The following LRRTM4 variants were observed in gnomAD, a reference collection of about 807,000 sequenced individuals.
LRRTM4 encodes leucine rich repeat transmembrane neuronal 4.
Under a neutral mutation model 47.6 loss-of-function variants are expected in LRRTM4, and 25 were observed. That is an observed-to-expected ratio of 0.53 (90% CI 0.38 to 0.73). The LOEUF (loss-of-function observed/expected upper bound fraction) is 0.73. Among genes scored for constraint, LRRTM4 ranks in the 30% least tolerant of loss-of-function variants. The pLI is 0.00. For synonymous variants in LRRTM4, 311 were observed against 269.5 expected, an observed-to-expected ratio of 1.15 and a Z score of -1.51; for missense variants, 638 against 713.4, an observed-to-expected ratio of 0.89 and a Z score of 1.20.
At chr2:76,884,123 A>T (rs1170673350) in intron 3 of LRRTM4, among the ~76,000 whole-genome samples, 1 of 152,094 alleles carries the variant, frequency 6.6e-6, no homozygotes, top group Admixed American at 6.6e-5. Context: ...GTGATTTTTA[A>T]AAGTGTCTTT....
chr2:76,788,197 T>C (rs1357391562), intron 3 of LRRTM4, among the ~76,000 whole-genome samples: 3 of 152,132 alleles, frequency 2.0e-5, no homozygotes, highest in African/African-American at 7.2e-5. Context: ...TGTTAACATA[T>C]GTAATTGAGG....
chr2:77,389,313 T>C (rs1673411051), intron 3 of LRRTM4, among the ~76,000 whole-genome samples: 1 of 152,094 alleles, frequency 6.6e-6, no homozygotes, highest in African/African-American at 2.4e-5. Flanking sequence ...TTGTAAAGTC[T>C]GAGGAACTTA....
chr2:77,245,241 A>C (rs1286452974), intron 3 of LRRTM4, among the ~76,000 whole-genome samples: 2 of 152,010 alleles, frequency 1.3e-5, no homozygotes. Context: ...TGTGTTCTTG[A>C]AGTTAGAAGT....
intron 3 of LRRTM4, among the ~76,000 whole-genome samples, chr2:77,485,891 C>T (rs1402546565): frequency 2.9e-5 from 4 of 140,064 alleles, no homozygotes; most frequent in African/African-American, 1.1e-4. Flanking sequence ...CCACCACAGT[C>T]GGCTAATTTT....
intron 3 of LRRTM4, among the ~76,000 whole-genome samples, chr2:77,073,159 A>T (rs1370738049): frequency 6.6e-6 from 1 of 151,360 alleles, no homozygotes; most frequent in East Asian, 1.9e-4. Context: ...ACTATTAAAT[A>T]TTTGCTGGTT....
chr2:77,425,870 C>G (rs1675084324), intron 3 of LRRTM4, among the ~76,000 whole-genome samples: 1 of 151,892 alleles, frequency 6.6e-6, no homozygotes, highest in Non-Finnish European at 1.5e-5. Flanking sequence ...AATCCTAGCA[C>G]TTTAGAGAGG....
chr2:77,278,039 G>A (rs6547142), intron 3 of LRRTM4, among the ~76,000 whole-genome samples: 25,793 of 151,764 alleles, frequency 0.17, 5,042 homozygotes, highest in African/African-American at 0.48. Context: ...CACACTGAAG[G>A]CTAATTACCA....
rs541755884 is a variant in LRRTM4 at position 77,331,837 on chromosome 2, C to T, written c.1551+186481G>A. Among the ~76,000 whole-genome samples, 14 of 152,152 alleles carry T rather than the reference C, an allele frequency of 9.2e-5. No individual in the cohort carries two copies. The South Asian group carries it at 2.5e-3, about 27-fold the overall frequency. ...AGTGTTATATGACAATCCAATCCTTCGTGTTAAGCCCTGCCAGAAACATGT... is the reference window on the plus strand; with the variant it reads ...AGTGTTATATGACAATCCAATCCTTTGTGTTAAGCCCTGCCAGAAACATGT... On this transcript the variant is annotated intron_variant, in intron 3 of 3. Coordinates refer to ENST00000409884, the MANE Select transcript of LRRTM4 (RefSeq NM_001134745.3).
At chr2:77,339,329 T>G (rs1252804350) in intron 3 of LRRTM4, among the ~76,000 whole-genome samples, 1 of 152,050 alleles carries the variant, frequency 6.6e-6, no homozygotes, top group Non-Finnish European at 1.5e-5. Context: ...TTCAAATGAC[T>G]TTCTAAAAAT....
chr2:76,867,748 A>G (rs953526418), intron 3 of LRRTM4, among the ~76,000 whole-genome samples: 6 of 152,136 alleles, frequency 3.9e-5, no homozygotes, highest in Non-Finnish European at 8.8e-5. Context: ...TTTATTGTTT[A>G]TTGATGGTGT....
intron 3 of LRRTM4, among the ~76,000 whole-genome samples, chr2:76,835,414 G>T (rs1671481511): frequency 6.6e-6 from 1 of 151,970 alleles, no homozygotes; most frequent in South Asian, 2.1e-4. Context: ...TAAAATCAAT[G>T]GTGAATAGTA....
At chr2:76,998,138 C>T (rs186244125) in intron 3 of LRRTM4, among the ~76,000 whole-genome samples, 1 of 152,164 alleles carries the variant, frequency 6.6e-6, no homozygotes, top group Non-Finnish European at 1.5e-5. Flanking sequence ...AAAACCATCC[C>T]ACCCTGCTCC....
chr2:77,433,775 A>G (rs1263849861), intron 3 of LRRTM4, among the ~76,000 whole-genome samples: 2 of 152,198 alleles, frequency 1.3e-5, no homozygotes, highest in Non-Finnish European at 2.9e-5. Flanking sequence ...AGGAAAATTC[A>G]CAAGCCACTG....
intron 3 of LRRTM4, among the ~76,000 whole-genome samples, chr2:77,060,188 C>A (rs900894052): frequency 2.0e-5 from 3 of 152,100 alleles, no homozygotes; most frequent in Non-Finnish European, 4.4e-5. Context: ...TTGTAATCTT[C>A]CTATGCCTTA....
At chr2:77,128,011 C>G (rs376502928) in intron 3 of LRRTM4, among the ~76,000 whole-genome samples, 4 of 151,948 alleles carry the variant, frequency 2.6e-5, no homozygotes, top group African/African-American at 9.7e-5. Context: ...GGCGTAGTGG[C>G]GCACGCCTGT....
Position 76,905,208 on chromosome 2 carries a change from G to A in LRRTM4, c.1552-156292C>T, listed in dbSNP as rs553056646. On this transcript the variant is annotated intron_variant, in intron 3 of 3. Transcript: ENST00000409884. ...GCAGTTCACGAAAAACCACTGTTCT[G>A]CAGACACCGCTGCTGATACCCAGGC... is the stretch of plus-strand genomic sequence containing the variant. 1.6e-4 allele frequency among the ~76,000 whole-genome samples: 24 copies of A among 152,260 alleles called. No homozygotes were observed. In the South Asian group the frequency reaches 4.8e-3, roughly 30 times the overall value.
intron 3 of LRRTM4, among the ~76,000 whole-genome samples, chr2:76,809,584 G>A (rs188882347): frequency 1.3e-5 from 2 of 152,088 alleles, no homozygotes; most frequent in Non-Finnish European, 2.9e-5. Context: ...TTGTCTATGA[G>A]AGCAATTTCT....
chr2:76,798,653 A>G (rs549403521), intron 3 of LRRTM4, among the ~76,000 whole-genome samples: 1 of 151,564 alleles, frequency 6.6e-6, no homozygotes, highest in African/African-American at 2.4e-5. Context: ...AAAATTAATG[A>G]ATCCAGGAGC....
At chr2:76,776,156 A>G (rs1673979709) in intron 3 of LRRTM4, among the ~76,000 whole-genome samples, 1 of 152,122 alleles carries the variant, frequency 6.6e-6, no homozygotes, top group Non-Finnish European at 1.5e-5. Flanking sequence ...CCAGTCTATC[A>G]TTGTTGGACA....
Sources: gnomAD v4.1 joint callset for allele counts (sites outside exome capture counted in the v4.1 genomes callset) on GRCh38, gnomAD v4.1.1 for gene constraint, MANE v1.5 for transcripts, NCBI Gene and HGNC (gene_info 2026-07-23, HGNC 2026-07-21) for gene names.